Variants in CACNA1E observed in about 807,000 individuals in gnomAD.
CACNA1E encodes calcium voltage-gated channel subunit alpha1 E, also known as voltage-dependent R-type calcium channel subunit alpha-1E.
In CACNA1E, 40 loss-of-function variants were observed where a neutral mutation model predicts 259.2. The observed-to-expected ratio is 0.15, with a 90% CI of 0.12 to 0.20. The LOEUF (loss-of-function observed/expected upper bound fraction) is 0.20. Ranked by LOEUF, CACNA1E falls within the 10% of genes least tolerant of loss-of-function variation. CACNA1E has a pLI of 1.00. For missense variants in CACNA1E, 1,874 were observed against 3,040.1 expected (o/e 0.62, Z 9.02); for synonymous variants, 1,104 against 1,138.5 (o/e 0.97, Z 0.61).
At chr1:181,378,401 A>G (rs1192616351) in intron 1 of CACNA1E, among the ~76,000 whole-genome samples, 1 of 152,206 alleles carries the variant, frequency 6.6e-6, no homozygotes, top group Non-Finnish European at 1.5e-5. Flanking sequence ...GTCTTGAGAG[A>G]GATTCCAGGC....
intron 7 of CACNA1E, among the ~76,000 whole-genome samples, chr1:181,680,648 C>G (rs189584716): frequency 6.6e-6 from 1 of 152,312 alleles, no homozygotes; most frequent in Admixed American, 6.5e-5. Context: ...TGCCAGACAT[C>G]GGTCCACGCA....
intron 6 of CACNA1E, among the ~76,000 whole-genome samples, chr1:181,626,991 A>C (rs143158512): frequency 2.6e-5 from 4 of 152,322 alleles, no homozygotes; most frequent in African/African-American, 9.6e-5. Flanking sequence ...TAAAAGGGTA[A>C]TGAGAGTGGT....
intron 37 of CACNA1E, among the ~76,000 whole-genome samples, chr1:181,774,183 A>G (rs1659767241): frequency 6.6e-6 from 1 of 152,216 alleles, no homozygotes; most frequent in South Asian, 2.1e-4. Flanking sequence ...CACACGCTAC[A>G]CTCTTAATGA....
rs755683589 is a variant in CACNA1E, at chr1:181,776,240, C to T, written c.5267+12C>T. 1.2e-6 allele frequency: 2 copies of T among 1,613,764 alleles called. No homozygotes were observed. The highest frequency in any genetic ancestry group is 1.7e-6 in the Non-Finnish European group (2 of 1,179,682). On this transcript the variant is annotated intron_variant, in intron 38 of 47. Coordinates refer to ENST00000367573, the MANE Select transcript of CACNA1E (RefSeq NM_001205293.3). The surrounding 1 kb of genome is among the most constrained non-coding windows in gnomAD (Gnocchi z 4.4). ...GACCGAGCAGCATGGTGCGTAGGCC[C>T]CTCGGCCGCCCCAGCGGGGCCCAGA... is the stretch of plus-strand genomic sequence containing the variant.
chr1:181,461,478 T>C (rs1661808976), intron 2 of CACNA1E, among the ~76,000 whole-genome samples: 1 of 148,772 alleles, frequency 6.7e-6, no homozygotes, highest in Non-Finnish European at 1.5e-5. Flanking sequence ...GAGGCGGAGC[T>C]TGCAGTGAGC....
At chr1:181,430,547 G>A (rs4287140) in intron 2 of CACNA1E, among the ~76,000 whole-genome samples, 60,518 of 151,954 alleles carry the variant, frequency 0.4, 12,343 homozygotes, top group African/African-American at 0.46. Flanking sequence ...GGAGCCCACT[G>A]TGTACATGCC....
chr1:181,694,440 G>A (rs1651504168), intron 7 of CACNA1E, among the ~76,000 whole-genome samples: 1 of 152,142 alleles, frequency 6.6e-6, no homozygotes. Flanking sequence ...TGAGAGGTGG[G>A]ACCCTTAAGA....
At chr1:181,356,587 C>T (rs1653455292) in intron 1 of CACNA1E, among the ~76,000 whole-genome samples, 1 of 152,220 alleles carries the variant, frequency 6.6e-6, no homozygotes, top group South Asian at 2.1e-4. Context: ...TGCCTTTGCA[C>T]AGCCTGCCAG....
chr1:181,574,017 A>T (rs1650691211), intron 3 of CACNA1E, among the ~76,000 whole-genome samples: 1 of 152,214 alleles, frequency 6.6e-6, no homozygotes, highest in South Asian at 2.1e-4. Flanking sequence ...TCAGCAAACT[A>T]ACACAGAAAC....
chr1:181,476,618 C>T (rs1662869200), intron 2 of CACNA1E, among the ~76,000 whole-genome samples: 2 of 152,248 alleles, frequency 1.3e-5, no homozygotes, highest in Admixed American at 1.3e-4. Flanking sequence ...GGGCTAGCCC[C>T]TGACATGATA....
At position 181,734,240 on chromosome 1, in the gene CACNA1E, T is replaced by C. The variant is rs183727162; in HGVS notation, c.3262+490T>C. 2.0e-3 allele frequency among the ~76,000 whole-genome samples: 306 copies of C among 152,274 alleles called. 1 individual carries two copies. Among genetic ancestry groups the C allele is most frequent in the African/African-American group, 7.0e-3 (292 of 41,532 alleles). ...CTAGATGATCTCTGAGGCCTTTCCC[T>C]GTACTAACATTTTATATGATTCTAT... On this transcript the variant is annotated intron_variant, in intron 21 of 47. Coordinates refer to ENST00000367573, the MANE Select transcript of CACNA1E (RefSeq NM_001205293.3).
At chr1:181,628,714 T>G (rs889224841) in intron 6 of CACNA1E, among the ~76,000 whole-genome samples, 5 of 152,192 alleles carry the variant, frequency 3.3e-5, no homozygotes, top group African/African-American at 1.2e-4. Context: ...CGGGCCTTTC[T>G]TTAGGAACCA....
In CACNA1E at chr1:181,802,687, G is replaced by C. The variant is rs1662363775; in HGVS notation, c.*3853G>C. 1 of 152,194 alleles carries C rather than the reference G, an allele frequency of 6.6e-6. No individual in the cohort carries two copies. 9.4% of individuals were successfully genotyped at this position (152,194 alleles called of 1,614,324 possible). A position where few individuals can be genotyped will look rare whatever the true frequency, so the allele number is the denominator to read the frequency against. Reference sequence around the variant, plus strand: ...ACAACTGACACAAGGTGTAGGGTGTGGGGGTGGACAAAATGCCCACCTACT... The same window carrying C: ...ACAACTGACACAAGGTGTAGGGTGTCGGGGTGGACAAAATGCCCACCTACT... On this transcript the variant is annotated 3_prime_UTR_variant, in exon 48 of 48. Coordinates refer to ENST00000367573, the MANE Select transcript of CACNA1E (RefSeq NM_001205293.3).
At chr1:181,481,804 C>T (rs1663269921), upstream of CACNA1E, among the ~76,000 whole-genome samples, 1 of 152,048 alleles carries the variant, frequency 6.6e-6, no homozygotes, top group South Asian at 2.1e-4. Flanking sequence ...CCACCTTTCC[C>T]ACCTCTGCAG....
upstream of CACNA1E, among the ~76,000 whole-genome samples, chr1:181,480,988 A>G (rs547740919): frequency 6.6e-6 from 1 of 152,176 alleles, no homozygotes; most frequent in African/African-American, 2.4e-5. Context: ...ATAATTTCTG[A>G]AAGCCCTTTT....
intron 30 of CACNA1E, among the ~76,000 whole-genome samples, 182 bp from the exon 31 acceptor site, chr1:181,757,765 G>C (rs532667531): frequency 1.3e-5 from 2 of 152,216 alleles, no homozygotes; most frequent in East Asian, 3.9e-4. Flanking sequence ...CCAGTTTTGT[G>C]TACTCCTTTA....
intron 1 of CACNA1E, among the ~76,000 whole-genome samples, chr1:181,348,610 G>A (rs561770600): frequency 6.6e-6 from 1 of 152,246 alleles, no homozygotes; most frequent in East Asian, 1.9e-4. Flanking sequence ...TTGGGTGGGT[G>A]TATTGTTGCC....
intron 2 of CACNA1E, among the ~76,000 whole-genome samples, chr1:181,422,931 C>T (rs1571832674): frequency 6.6e-6 from 1 of 152,018 alleles, no homozygotes; most frequent in African/African-American, 2.4e-5. Context: ...TAGAGTCATC[C>T]GTTGGTCTTA....
chr1:181,634,646 G>A (rs1041927983), intron 6 of CACNA1E, among the ~76,000 whole-genome samples: 12 of 151,996 alleles, frequency 7.9e-5, no homozygotes, highest in African/African-American at 2.7e-4. Context: ...GGCTTTATTC[G>A]GGAGGCCAAT....
Sources: gnomAD v4.1 joint callset for allele counts (sites outside exome capture counted in the v4.1 genomes callset) on GRCh38, gnomAD v4.1.1 for gene constraint, Gnocchi (gnomAD v3.1) non-coding constraint, MANE v1.5 for transcripts, NCBI Gene and HGNC (gene_info 2026-07-23, HGNC 2026-07-21) for gene names.